The following RCAN2 variants were observed in gnomAD, a reference collection of about 807,000 sequenced individuals.
RCAN2 encodes calcipressin-2.
A neutral mutation model predicts 23.6 loss-of-function variants in RCAN2; 9 were observed. The observed-to-expected ratio is 0.38, with a 90% CI of 0.23 to 0.67. The LOEUF (loss-of-function observed/expected upper bound fraction) is 0.67, where lower values mean the gene tolerates loss of function less well. Among genes scored for constraint, RCAN2 ranks in the 30% least tolerant of loss-of-function variants. RCAN2 has a pLI of 0.51. For synonymous variants in RCAN2, 109 were observed against 115.7 expected, an observed-to-expected ratio of 0.94 and a Z score of 0.37; for missense variants, 273 against 302.3, an observed-to-expected ratio of 0.90 and a Z score of 0.72.
intron 2 of RCAN2, among the ~76,000 whole-genome samples, chr6:46,328,856 A>T (rs1223196381): frequency 6.6e-6 from 1 of 152,170 alleles, no homozygotes; most frequent in Non-Finnish European, 1.5e-5. Context: ...TGATCCGCCC[A>T]CGCTGGCCTC....
In RCAN2 at chr6:46,427,626, A is replaced by G. The variant is rs9472747; in HGVS notation, c.225+29126T>C. 4.9e-3 allele frequency among the ~76,000 whole-genome samples: 740 copies of G among 152,318 alleles called. 6 individuals carry two copies. The highest frequency in any genetic ancestry group is 0.017 in the African/African-American group (699 of 41,578). ...ACATACCTATCAGATTAATACACTA[A>G]TGAACATTCTCATTGCTTTCTGACA... On this transcript the variant is annotated intron_variant, in intron 2 of 4. Coordinates refer to ENST00000371374, the MANE Select transcript of RCAN2 (RefSeq NM_001251974.2).
intron 2 of RCAN2, among the ~76,000 whole-genome samples, chr6:46,314,017 T>G (rs749082260): frequency 4.6e-5 from 7 of 152,082 alleles, no homozygotes; most frequent in Non-Finnish European, 7.4e-5. Context: ...GCTTTTAGCT[T>G]AGTTTTTCTT....
At chr6:46,236,251 G>A (rs922924739) in intron 4 of RCAN2, among the ~76,000 whole-genome samples, 9 of 152,158 alleles carry the variant, frequency 5.9e-5, no homozygotes, top group Admixed American at 2.0e-4. Flanking sequence ...TGCATCCCAC[G>A]GTAGTGGGTA....
intron 2 of RCAN2, among the ~76,000 whole-genome samples, chr6:46,455,117 A>T (rs923861716): frequency 2.0e-5 from 3 of 152,266 alleles, no homozygotes; most frequent in Non-Finnish European, 2.9e-5. Flanking sequence ...TTCAGAGGAA[A>T]CTACTTGCCC....
At chr6:46,413,654 GGCTCC>G (rs1483850421) in intron 2 of RCAN2, among the ~76,000 whole-genome samples, 1 of 152,162 alleles carries the variant, frequency 6.6e-6, no homozygotes, top group Admixed American at 6.6e-5. Context: ...GATCAGAGCT[GGCTCC>G]AACGGCACCA....
At chr6:46,411,575 T>C (rs1766550844) in intron 2 of RCAN2, among the ~76,000 whole-genome samples, 1 of 152,182 alleles carries the variant, frequency 6.6e-6, no homozygotes, top group Admixed American at 6.5e-5. Context: ...AAAGTTCTTC[T>C]GTCATGGAGG....
chr6:46,476,988 C>G (rs1005287046), intron 1 of RCAN2, among the ~76,000 whole-genome samples: 1 of 152,134 alleles, frequency 6.6e-6, no homozygotes, highest in Admixed American at 6.5e-5. Flanking sequence ...AATGATGAAT[C>G]CTCCAAAAAA....
chr6:46,316,615 T>C (rs1763446891), intron 2 of RCAN2, among the ~76,000 whole-genome samples: 1 of 152,242 alleles, frequency 6.6e-6, no homozygotes, highest in Non-Finnish European at 1.5e-5. Flanking sequence ...CATCCCTATA[T>C]CTGCAGAGCC....
chr6:46,284,192 T>C (rs992358110), intron 2 of RCAN2, among the ~76,000 whole-genome samples: 1 of 152,080 alleles, frequency 6.6e-6, no homozygotes, highest in East Asian at 1.9e-4. Flanking sequence ...TTGCAAAATA[T>C]GGTGAAAGGT....
chr6:46,389,052 C>A (rs574628856), intron 2 of RCAN2, among the ~76,000 whole-genome samples: 1 of 152,160 alleles, frequency 6.6e-6, no homozygotes, highest in African/African-American at 2.4e-5. Context: ...TAGAAAATTA[C>A]CTCAATGGTA....
intron 4 of RCAN2, among the ~76,000 whole-genome samples, chr6:46,230,206 G>T (rs182688276): frequency 6.6e-6 from 1 of 152,340 alleles, no homozygotes; most frequent in African/African-American, 2.4e-5. Context: ...GTGTCTCCCA[G>T]TTAGGCTACT....
intron 4 of RCAN2, among the ~76,000 whole-genome samples, chr6:46,243,825 A>AAC (rs1256808155): frequency 1.3e-5 from 2 of 150,618 alleles, no homozygotes; most frequent in East Asian, 1.9e-4. Context: ...AAAAAAAAAA[A>AAC]AAAAAAACCA....
At chr6:46,421,485 CT>C (rs1262517235) in intron 2 of RCAN2, among the ~76,000 whole-genome samples, 1 of 152,174 alleles carries the variant, frequency 6.6e-6, no homozygotes, top group Admixed American at 6.5e-5. Flanking sequence ...AAGAATTTGA[CT>C]TTTGACATGT....
chr6:46,402,668 G>C (rs1222428644), intron 2 of RCAN2, among the ~76,000 whole-genome samples: 1 of 152,142 alleles, frequency 6.6e-6, no homozygotes, highest in Non-Finnish European at 1.5e-5. Flanking sequence ...GAGTCTTCTA[G>C]ACAGACAAGC....
intron 1 of RCAN2, among the ~76,000 whole-genome samples, chr6:46,488,735 T>C (rs1171496483): frequency 6.6e-6 from 1 of 152,228 alleles, no homozygotes; most frequent in East Asian, 1.9e-4. Flanking sequence ...GACCATCCTC[T>C]AGACATCTAA....
At position 46,460,318 on chromosome 6, in the gene RCAN2, T is replaced by G. The variant is rs529331161; in HGVS notation, c.-2-3340A>C. Among the ~76,000 whole-genome samples, 3 of 152,350 alleles carry G rather than the reference T, an allele frequency of 2.0e-5. No homozygotes were observed. In the South Asian group the frequency reaches 6.2e-4, roughly 32 times the overall value. Reference sequence around the variant, plus strand: ...CTCAAATAGTCCTCCCATTTTGGTTTCACAAAGTGCTGGGATTACAGATGT... The same window carrying G: ...CTCAAATAGTCCTCCCATTTTGGTTGCACAAAGTGCTGGGATTACAGATGT... On this transcript the variant is annotated intron_variant, in intron 1 of 4. Transcript: ENST00000371374.
At chr6:46,412,900 G>A (rs1401329479) in intron 2 of RCAN2, among the ~76,000 whole-genome samples, 1 of 152,138 alleles carries the variant, frequency 6.6e-6, no homozygotes, top group African/African-American at 2.4e-5. Context: ...GGTAAACCAG[G>A]ATATAATAGG....
intron 2 of RCAN2, among the ~76,000 whole-genome samples, chr6:46,419,076 C>T (rs118083969): frequency 0.017 from 2,609 of 152,096 alleles, 54 homozygotes; most frequent in South Asian, 0.12. Context: ...CTCTTCAGGC[C>T]GTGTGCATAT....
chr6:46,408,234 A>G (rs370079118), intron 2 of RCAN2, among the ~76,000 whole-genome samples: 3 of 152,096 alleles, frequency 2.0e-5, no homozygotes, highest in East Asian at 3.9e-4. Context: ...TCAGCTCTAC[A>G]TAATTTTGCT....
Sources: allele counts gnomAD v4.1 joint callset (sites outside exome capture counted in the v4.1 genomes callset), GRCh38; gene constraint gnomAD v4.1.1; transcripts MANE v1.5; gene names NCBI Gene and HGNC (gene_info 2026-07-23, HGNC 2026-07-21).